ROBO2: variants seen among roughly 807,000 people sequenced by gnomAD.
The protein encoded by ROBO2 is roundabout homolog 2.
Under a neutral mutation model 160.8 loss-of-function variants are expected in ROBO2, and 53 were observed. That is an observed-to-expected ratio of 0.33 (90% CI 0.26 to 0.41). The LOEUF (loss-of-function observed/expected upper bound fraction) is 0.41. ROBO2 is among the 10% of genes least tolerant of loss of function. ROBO2 has a pLI of 1.00. For synonymous variants in ROBO2, 664 were observed against 611.7 expected (o/e 1.09, Z -1.26); for missense variants, 1,577 against 1,722.4 (o/e 0.92, Z 1.49).
At chr3:76,125,765 A>G (rs1185137718) in intron 2 of ROBO2, among the ~76,000 whole-genome samples, 1 of 152,102 alleles carries the variant, frequency 6.6e-6, no homozygotes, top group Non-Finnish European at 1.5e-5. Context: ...TAGGTGTTCA[A>G]TTAAACTAAA....
chr3:76,873,703 T>C (rs1479043559), intron 2 of ROBO2, among the ~76,000 whole-genome samples: 1 of 152,098 alleles, frequency 6.6e-6, no homozygotes, highest in Admixed American at 6.5e-5. Context: ...GTAGCTGGGA[T>C]TGCAGGCACT....
At chr3:76,355,559 C>A (rs1364568143) in intron 2 of ROBO2, among the ~76,000 whole-genome samples, 1 of 151,666 alleles carries the variant, frequency 6.6e-6, no homozygotes, top group Non-Finnish European at 1.5e-5. Context: ...AATATTCTAA[C>A]CTATATATTC....
chr3:76,961,429 A>G (rs1435746195), intron 2 of ROBO2, among the ~76,000 whole-genome samples: 1 of 152,116 alleles, frequency 6.6e-6, no homozygotes, highest in African/African-American at 2.4e-5. Context: ...GATCTAAGAT[A>G]TCACTATCTA....
intron 2 of ROBO2, among the ~76,000 whole-genome samples, chr3:76,684,098 A>G: frequency 6.6e-6 from 1 of 152,098 alleles, no homozygotes; most frequent in East Asian, 1.9e-4. Context: ...GAGAAGAGGT[A>G]TGTATTGTTA....
chr3:76,576,630 T>TA (rs1245241713), intron 2 of ROBO2, among the ~76,000 whole-genome samples: 3 of 151,380 alleles, frequency 2.0e-5, no homozygotes, highest in Non-Finnish European at 2.9e-5. Flanking sequence ...TCTCATTTTT[T>TA]AAAAAAGTAT....
rs149716274 is a variant in ROBO2, at chr3:76,346,481, T to C, written c.109+408879T>C. 3.4e-3 allele frequency among the ~76,000 whole-genome samples: 511 copies of C among 152,278 alleles called. 6 individuals are homozygous for C. The highest frequency in any genetic ancestry group is 0.024 in the Admixed American group (372 of 15,282). On this transcript the variant is annotated intron_variant, in intron 2 of 26. Transcript: ENST00000487694. ...AGTTTTTGACTTTTAAATTACTTTC[T>C]GGTTTTGGTTCCATTAAATATTACT...
chr3:77,503,586 GA>G (rs1372277516), intron 5 of ROBO2, among the ~76,000 whole-genome samples: 1 of 151,050 alleles, frequency 6.6e-6, no homozygotes, highest in East Asian at 1.9e-4. Flanking sequence ...CTATTTGGAG[GA>G]AAAAAGTTTC....
intron 6 of ROBO2, among the ~76,000 whole-genome samples, chr3:77,527,029 T>A (rs2091230258): frequency 6.6e-6 from 1 of 151,464 alleles, no homozygotes; most frequent in South Asian, 2.1e-4. Context: ...CTTCTTTTAT[T>A]GACATGACAT....
At chr3:76,629,590 G>A (rs1212116921) in intron 2 of ROBO2, among the ~76,000 whole-genome samples, 1 of 152,092 alleles carries the variant, frequency 6.6e-6, no homozygotes, top group South Asian at 2.1e-4. Context: ...CAGTTGATTC[G>A]ATGATGCCCA....
chr3:77,482,775 G>A (rs1470569), intron 4 of ROBO2, among the ~76,000 whole-genome samples: 79,202 of 151,624 alleles, frequency 0.52, 21,020 homozygotes, highest in Admixed American at 0.63. Flanking sequence ...CTGAACGTTA[G>A]CATTGAAAGC....
At chr3:77,641,074 G>T (rs965324210) in intron 24 of ROBO2, among the ~76,000 whole-genome samples, 1 of 152,134 alleles carries the variant, frequency 6.6e-6, no homozygotes, top group Non-Finnish European at 1.5e-5. Context: ...TAATTAATTT[G>T]CATTTATAAT....
intron 2 of ROBO2, among the ~76,000 whole-genome samples, chr3:76,536,512 G>T (rs1021746197): frequency 6.6e-6 from 1 of 152,078 alleles, no homozygotes; most frequent in Non-Finnish European, 1.5e-5. Context: ...CTTTAAGCTT[G>T]TCATAATTGA....
chr3:76,512,292 G>C (rs2081132454), intron 2 of ROBO2, among the ~76,000 whole-genome samples: 1 of 143,760 alleles, frequency 7.0e-6, no homozygotes, highest in African/African-American at 2.6e-5. Flanking sequence ...GGAATAAATG[G>C]ACTGGTTGCA....
rs2071988780 is a variant in ROBO2, at chr3:76,148,109, C to A, written c.109+210507C>A. ...TGTTTACTTTCATTTCTCTCCTTCCCTTCCTCCTTGATTAATTTTATAAAG... is the reference window on the plus strand; with the variant it reads ...TGTTTACTTTCATTTCTCTCCTTCCATTCCTCCTTGATTAATTTTATAAAG... On this transcript the variant is annotated intron_variant, in intron 2 of 26. Coordinates refer to the ROBO2 transcript ENST00000487694. Among the ~76,000 whole-genome samples, 4 of 151,966 alleles carry A rather than the reference C, an allele frequency of 2.6e-5. No individual in the cohort carries two copies. In the South Asian group the frequency reaches 8.3e-4, roughly 32 times the overall value.
At chr3:76,654,882 T>G (rs1346738857) in intron 2 of ROBO2, among the ~76,000 whole-genome samples, 1 of 147,700 alleles carries the variant, frequency 6.8e-6, no homozygotes, top group African/African-American at 2.5e-5. Context: ...TGTGTGCGTA[T>G]ATACATATGC....
chr3:75,962,245 T>C (rs1016487753), intron 2 of ROBO2, among the ~76,000 whole-genome samples: 3 of 151,688 alleles, frequency 2.0e-5, no homozygotes, highest in Non-Finnish European at 4.4e-5. Context: ...TCAGAAACAA[T>C]GATAGTCAGA....
At chr3:76,533,645 G>A (rs1045322341) in intron 2 of ROBO2, among the ~76,000 whole-genome samples, 1 of 152,172 alleles carries the variant, frequency 6.6e-6, no homozygotes, top group Non-Finnish European at 1.5e-5. Flanking sequence ...TTATTCACTT[G>A]GGTGCAAGTG....
intron 2 of ROBO2, among the ~76,000 whole-genome samples, chr3:76,796,343 A>C (rs1157548434): frequency 6.6e-6 from 1 of 151,954 alleles, no homozygotes; most frequent in Non-Finnish European, 1.5e-5. Flanking sequence ...ATATCAAAAC[A>C]TCTACAATAT....
chr3:77,627,920 G>A (rs1559759550), intron 23 of ROBO2, among the ~76,000 whole-genome samples: 3 of 152,226 alleles, frequency 2.0e-5, no homozygotes, highest in East Asian at 1.9e-4. Context: ...GAAAGATTTA[G>A]CATAAAATGA....
Sources: gnomAD v4.1 joint callset for allele counts (sites outside exome capture counted in the v4.1 genomes callset) on GRCh38, gnomAD v4.1.1 for gene constraint, MANE v1.5 for transcripts, NCBI Gene and HGNC (gene_info 2026-07-23, HGNC 2026-07-21) for gene names.